KLHL32: variants seen among roughly 807,000 people sequenced by gnomAD.
KLHL32 encodes the protein kelch like family member 32, also known as kelch-like protein 32.
In KLHL32, 35 loss-of-function variants were observed where a neutral mutation model predicts 64.8. That is an observed-to-expected ratio of 0.54 (90% CI 0.41 to 0.72). The LOEUF is 0.72. KLHL32 is among the 30% of genes least tolerant of loss of function. The probability of loss-of-function intolerance (pLI) is 0.00; values close to 1 mark genes in which losing one functional copy is unlikely to be tolerated. For synonymous variants in KLHL32, 259 were observed against 281.0 expected (o/e 0.92, Z 0.78); for missense variants, 589 against 768.5 (o/e 0.77, Z 2.76).
intron 3 of KLHL32, among the ~76,000 whole-genome samples, chr6:96,987,635 G>A (rs577532510): frequency 9.8e-5 from 15 of 152,298 alleles, no homozygotes; most frequent in African/African-American, 2.9e-4. Flanking sequence ...AACAGAGCCT[G>A]CATTGCCAAA....
chr6:96,991,074 G>A (rs57857066), intron 3 of KLHL32, among the ~76,000 whole-genome samples: 10,736 of 152,044 alleles, frequency 0.071, 825 homozygotes, highest in Admixed American at 0.22. Flanking sequence ...AGGCCTCATG[G>A]GGAGGAGAGA....
At position 97,039,345 on chromosome 6, in the gene KLHL32, T is replaced by G. The variant is rs1021476240; in HGVS notation, c.205-2147T>G. Among the ~76,000 whole-genome samples the G allele has an allele frequency of 4.6e-5, 7 of 152,076 alleles. No homozygotes were observed. In the East Asian group the frequency reaches 1.4e-3, roughly 29 times the overall value. On this transcript the variant is annotated intron_variant, in intron 3 of 10. Transcript: ENST00000369261. ...TGAGAGCTAAAAAAAGTGAATCTCA[T>G]GAAGACATAGAGTAGATTGGTGGTT... is the stretch of plus-strand genomic sequence containing the variant.
intron 3 of KLHL32, among the ~76,000 whole-genome samples, chr6:96,984,552 G>T (rs1253153882): frequency 6.6e-6 from 1 of 152,142 alleles, no homozygotes; most frequent in Non-Finnish European, 1.5e-5. Flanking sequence ...TTATGAATCT[G>T]GGTGCTCCTG....
At chr6:97,006,316 T>C (rs1779658926) in intron 3 of KLHL32, among the ~76,000 whole-genome samples, 1 of 152,310 alleles carries the variant, frequency 6.6e-6, no homozygotes, top group Admixed American at 6.5e-5. Context: ...TTTTGCCTGA[T>C]ACTAGAATAG....
chr6:96,996,732 ATAAT>A (rs879816017), intron 3 of KLHL32, among the ~76,000 whole-genome samples: 10 of 152,258 alleles, frequency 6.6e-5, no homozygotes, highest in East Asian at 5.8e-4. Flanking sequence ...ATATTAAATA[ATAAT>A]TAATTGAGCA....
intron 3 of KLHL32, among the ~76,000 whole-genome samples, chr6:96,993,151 T>G (rs1282328796): frequency 1.3e-5 from 2 of 152,230 alleles, no homozygotes; most frequent in Non-Finnish European, 2.9e-5. Flanking sequence ...GGAAGTAATT[T>G]TTTCCTTATA....
chr6:97,101,963 G>A (rs750390061), intron 6 of KLHL32, among the ~76,000 whole-genome samples: 21 of 152,130 alleles, frequency 1.4e-4, no homozygotes, highest in Non-Finnish European at 2.6e-4. Flanking sequence ...GAGGCATATT[G>A]CCATCATATA....
intron 5 of KLHL32, among the ~76,000 whole-genome samples, chr6:97,078,391 G>C (rs1791938210): frequency 2.0e-5 from 3 of 152,170 alleles, no homozygotes; most frequent in Non-Finnish European, 4.4e-5. Context: ...TTTCGAAGGA[G>C]AGTTGTCTAA....
At position 97,069,717 on chromosome 6, in the gene KLHL32, G is replaced by A. The variant is rs188663627; in HGVS notation, c.411+4991G>A. ...TGCCTCCATTAAGTAATTTTTCTCT[G>A]CTTTTTAAATATTAAAATTTATGTT... On this transcript the variant is annotated intron_variant, in intron 5 of 10. Transcript: ENST00000369261. 5.4e-4 allele frequency among the ~76,000 whole-genome samples: 82 copies of A among 151,986 alleles called. 2 individuals carry two copies. The highest frequency in any genetic ancestry group is 3.1e-3 in the Admixed American group (47 of 15,266).
At chr6:96,906,578 G>A in the KLHL32 span, among the ~76,000 whole-genome samples, 2 of 152,160 alleles carry the variant, frequency 1.3e-5, no homozygotes, top group South Asian at 4.1e-4. Flanking sequence ...GTAAGGTGCT[G>A]TTATTCTCAT....
chr6:96,902,471 T>A, the KLHL32 span, among the ~76,000 whole-genome samples: 1 of 152,216 alleles, frequency 6.6e-6, no homozygotes. Context: ...GTAAATTTGT[T>A]TATAGGCGTT....
intron 3 of KLHL32, among the ~76,000 whole-genome samples, chr6:97,022,650 A>G (rs369823578): frequency 7.0e-6 from 1 of 142,934 alleles, no homozygotes; most frequent in Admixed American, 6.7e-5. Flanking sequence ...TTGTATTTTT[A>G]GTAGAGATGG....
At chr6:96,945,041 A>G (rs1771755682) in intron 1 of KLHL32, among the ~76,000 whole-genome samples, 1 of 152,226 alleles carries the variant, frequency 6.6e-6, no homozygotes, top group South Asian at 2.1e-4. Context: ...CATTTATGAG[A>G]TAATTCCAAT....
At chr6:96,922,784 A>G (rs1318422392), upstream of KLHL32, among the ~76,000 whole-genome samples, 3 of 152,228 alleles carry the variant, frequency 2.0e-5, no homozygotes, top group African/African-American at 7.2e-5. Context: ...GGAGTGGAGT[A>G]AACTGCAACA....
chr6:97,100,235 T>A (rs558462773), intron 6 of KLHL32, among the ~76,000 whole-genome samples: 5 of 152,294 alleles, frequency 3.3e-5, no homozygotes, highest in Admixed American at 6.5e-5. Flanking sequence ...GTTCCCTAGT[T>A]TTTTATACTA....
chr6:96,943,079 T>TAC (rs1159211268), intron 1 of KLHL32, among the ~76,000 whole-genome samples: 3 of 149,018 alleles, frequency 2.0e-5, no homozygotes, highest in African/African-American at 7.4e-5. Flanking sequence ...ACTCTGTACA[T>TAC]ACACACACAT....
At chr6:97,113,740 C>A (rs1260287135) in intron 6 of KLHL32, 43 bp from the exon 7 acceptor site, 1 of 1,587,334 alleles carries the variant, frequency 6.3e-7, no homozygotes, top group Admixed American at 1.7e-5. Flanking sequence ...CTCTTTCTTT[C>A]TTACCTTTGT....
chr6:96,990,992 C>G (rs572574754), intron 3 of KLHL32, among the ~76,000 whole-genome samples: 2 of 152,006 alleles, frequency 1.3e-5, no homozygotes, highest in South Asian at 4.2e-4. Flanking sequence ...AGACCCGTTA[C>G]TAATGGGAAT....
intron 1 of KLHL32, among the ~76,000 whole-genome samples, chr6:96,937,045 T>C (rs563288320): frequency 1.3e-5 from 2 of 152,178 alleles, no homozygotes; most frequent in South Asian, 4.2e-4. Flanking sequence ...CCCACAGCTC[T>C]TATCGATTAA....
Sources: allele counts gnomAD v4.1 joint callset (sites outside exome capture counted in the v4.1 genomes callset), GRCh38; gene constraint gnomAD v4.1.1; transcripts MANE v1.5; gene names NCBI Gene and HGNC (gene_info 2026-07-23, HGNC 2026-07-21).